The following RAPGEF6 variants were observed in gnomAD, a reference collection of about 807,000 sequenced individuals.
RAPGEF6 encodes Rap guanine nucleotide exchange factor 6, also known as PDZ domain containing guanine nucleotide exchange factor (GEF) 2.
A neutral mutation model predicts 171.4 loss-of-function variants in RAPGEF6; 56 were observed. The observed-to-expected ratio is 0.33, with a 90% confidence interval of 0.26 to 0.41. The LOEUF (loss-of-function observed/expected upper bound fraction) is 0.41, where lower values mean the gene tolerates loss of function less well. Ranked by LOEUF, RAPGEF6 falls within the 10% of genes least tolerant of loss-of-function variation. The probability of loss-of-function intolerance (pLI) is 1.00; values close to 1 mark genes in which losing one functional copy is unlikely to be tolerated. For synonymous variants in RAPGEF6, 692 were observed against 650.1 expected, an observed-to-expected ratio of 1.06 and a Z score of -0.98; for missense variants, 1,674 against 1,921.4, an observed-to-expected ratio of 0.87 and a Z score of 2.41.
intron 5 of RAPGEF6, 85 bp from the exon 6 acceptor site, chr5:131,548,275 G>T: frequency 7.3e-7 from 1 of 1,371,930 alleles, no homozygotes; most frequent in Non-Finnish European, 1.0e-6. Context: ...GACTCATAAG[G>T]AAGCTTCATT....
At chr5:131,562,494 A>T (rs1414531745) in intron 4 of RAPGEF6, among the ~76,000 whole-genome samples, 1 of 152,216 alleles carries the variant, frequency 6.6e-6, no homozygotes, top group African/African-American at 2.4e-5. Flanking sequence ...AAAAAAACTT[A>T]AAAAATATTC....
Position 131,477,917 on chromosome 5 carries a change from C to T in RAPGEF6, c.2081+1596G>A, listed in dbSNP as rs1755217061. On this transcript the variant is annotated intron_variant, in intron 16 of 27. Coordinates refer to ENST00000509018, the MANE Select transcript of RAPGEF6 (RefSeq NM_016340.6). ...CGGTTTTGTCCCTTTTTCACAGTGA[C>T]TTCCAGTCATCCCCAACCATCCCTG... Among the ~76,000 whole-genome samples the T allele has an allele frequency of 3.9e-5, 6 of 152,164 alleles. 1 individual carries two copies. In the South Asian group the frequency reaches 1.2e-3, roughly 32 times the overall value.
At position 131,548,115 on chromosome 5, in the gene RAPGEF6, G is replaced by C. The variant is rs780226862; in HGVS notation, c.427C>G (p.Arg143Gly). Reference protein sequence around the residue: ...IPARQSRRRFRKINYKGERQT... With the variant: ...IPARQSRRRFGKINYKGERQT... ...CGCTCTCCTTTATAGTTAATTTTCC[G>C]AAATCTTCTTCGGGATTGTCTGGCA... Residue 143 changes from arginine to glycine, a missense_variant, in exon 6 of 28, where the codon CGG becomes GGG. Physicochemically the swap from Arg to Gly is moderately radical, Grantham distance 125 (BLOSUM62 -2). Transcript: ENST00000509018. 1.9e-6 allele frequency: 3 copies of C among 1,613,896 alleles called. No individual in the cohort carries two copies. The highest frequency in any genetic ancestry group is 2.5e-6 in the Non-Finnish European group (3 of 1,179,918).
rs143571142 is a variant in RAPGEF6, at chr5:131,606,514, T to C, written c.70-1821A>G. On this transcript the variant is annotated intron_variant, in intron 1 of 27. Coordinates refer to ENST00000509018, the MANE Select transcript of RAPGEF6 (RefSeq NM_016340.6). ...TATTTAAGTATATAAAAATAAAGAT[T>C]TGAATAGGTTAAAAGAAAGGTCTAC... Among the ~76,000 whole-genome samples, 60 of 152,300 alleles carry C rather than the reference T, an allele frequency of 3.9e-4. 1 individual carries two copies. The East Asian group carries it at 0.011, about 29-fold the overall frequency.
intron 6 of RAPGEF6, among the ~76,000 whole-genome samples, chr5:131,545,833 G>C (rs1760488824): frequency 1.3e-5 from 2 of 152,134 alleles, no homozygotes; most frequent in Non-Finnish European, 2.9e-5. Context: ...TGTCTAAAAT[G>C]AATCAATTTC....
chr5:131,600,048 A>T (rs58367482), intron 3 of RAPGEF6, among the ~76,000 whole-genome samples: 1 of 151,422 alleles, frequency 6.6e-6, no homozygotes, highest in African/African-American at 2.4e-5. Flanking sequence ...ACTTTCCCGC[A>T]TTTTTTTTTG....
chr5:131,501,166 C>CAAAA (rs1256931886), intron 11 of RAPGEF6, among the ~76,000 whole-genome samples: 1 of 151,614 alleles, frequency 6.6e-6, no homozygotes, highest in Non-Finnish European at 1.5e-5. Context: ...AATACAAAAA[C>CAAAA]AAACAAACAA....
chr5:131,587,148 G>A (rs772085401), intron 4 of RAPGEF6, among the ~76,000 whole-genome samples: 11 of 152,270 alleles, frequency 7.2e-5, no homozygotes, highest in Non-Finnish European at 1.5e-4. Flanking sequence ...CAAAGTGTCT[G>A]TGAGCCTAGT....
intron 16 of RAPGEF6, among the ~76,000 whole-genome samples, chr5:131,479,155 A>G (rs756284460): frequency 2.0e-5 from 3 of 152,150 alleles, no homozygotes; most frequent in Non-Finnish European, 4.4e-5. Flanking sequence ...TGGTGCTGCA[A>G]AGGAAAAATG....
intron 4 of RAPGEF6, among the ~76,000 whole-genome samples, chr5:131,583,163 A>G (rs1763063736): frequency 6.6e-6 from 1 of 152,078 alleles, no homozygotes; most frequent in Non-Finnish European, 1.5e-5. Flanking sequence ...AAAATCCTAA[A>G]CCCCAATCGA....
chr5:131,513,858 A>AATTAGCCGGGTGTGGTGGC (rs537984069), intron 7 of RAPGEF6, among the ~76,000 whole-genome samples: 4 of 152,038 alleles, frequency 2.6e-5, no homozygotes, highest in Admixed American at 6.6e-5. Context: ...AAAATACAAA[A>AATTAGCCGGGTGTGGTGGC]ATTAGCCGGG....
At chr5:131,535,352 A>C (rs1759695473) in intron 6 of RAPGEF6, among the ~76,000 whole-genome samples, 1 of 152,184 alleles carries the variant, frequency 6.6e-6, no homozygotes, top group Admixed American at 6.6e-5. Flanking sequence ...CATCCTTTGA[A>C]GAGAATAGTA....
chr5:131,510,607 G>C (rs1757656596), intron 7 of RAPGEF6, 116 bp from the exon 8 acceptor site: 9 of 880,902 alleles, frequency 1.0e-5, no homozygotes, highest in Non-Finnish European at 1.4e-5. Flanking sequence ...GGCAACGCTG[G>C]ATGCTGCATC....
At chr5:131,436,184 G>A (rs1443628393) in intron 24 of RAPGEF6, 1 of 1,537,550 alleles carries the variant, frequency 6.5e-7, no homozygotes, top group African/African-American at 1.4e-5. Context: ...CTTCTAAACG[G>A]GGATGTCATT....
At chr5:131,446,374 C>G in intron 22 of RAPGEF6, 109 bp downstream of exon 22, 1 of 1,053,672 alleles carries the variant, frequency 9.5e-7, no homozygotes, top group Non-Finnish European at 1.4e-6. Context: ...TGCCAGCAAT[C>G]TTTTGTGAGT....
intron 4 of RAPGEF6, among the ~76,000 whole-genome samples, chr5:131,584,348 T>A (rs1763127818): frequency 6.6e-6 from 1 of 152,222 alleles, no homozygotes; most frequent in African/African-American, 2.4e-5. Context: ...AAGAAAATTA[T>A]GACAGTGAAA....
At chr5:131,486,454 T>C (rs1400386251) in intron 15 of RAPGEF6, among the ~76,000 whole-genome samples, 1 of 152,230 alleles carries the variant, frequency 6.6e-6, no homozygotes, top group Non-Finnish European at 1.5e-5. Flanking sequence ...CAGCTCATAG[T>C]GAGGCCTTTG....
chr5:131,523,628 G>C (rs544506683), intron 6 of RAPGEF6, among the ~76,000 whole-genome samples: 1 of 152,044 alleles, frequency 6.6e-6, no homozygotes, highest in East Asian at 1.9e-4. Flanking sequence ...GGGAGAGAAG[G>C]GGTAAGAGCC....
intron 4 of RAPGEF6, among the ~76,000 whole-genome samples, chr5:131,581,221 GAA>G (rs1186064365): frequency 6.6e-6 from 1 of 152,148 alleles, no homozygotes; most frequent in Non-Finnish European, 1.5e-5. Context: ...ATTTCTTAAT[GAA>G]AAGTGTTGTT....
Sources: allele counts gnomAD v4.1 joint callset (sites outside exome capture counted in the v4.1 genomes callset), GRCh38; gene constraint gnomAD v4.1.1; transcripts MANE v1.5; gene names NCBI Gene and HGNC (gene_info 2026-07-23, HGNC 2026-07-21).